Variants in WDR27 observed in about 807,000 individuals in gnomAD.
WDR27 encodes WD repeat domain 27.
A neutral mutation model predicts 114.4 loss-of-function variants in WDR27; 100 were observed. The observed-to-expected ratio is 0.87, with a 90% CI of 0.74 to 1.03. The LOEUF (loss-of-function observed/expected upper bound fraction) is 1.03. Ranked by LOEUF, WDR27 falls within the 50% of genes least tolerant of loss-of-function variation. The pLI is 0.00. For synonymous variants in WDR27, 449 were observed against 423.1 expected (o/e 1.06, Z -0.75); for missense variants, 1,129 against 1,092.9 (o/e 1.03, Z -0.47).
chr6:169,491,597 C>T lies in WDR27; in HGVS notation c.2646-33963G>A, dbSNP rs116690472. 1.0e-2 allele frequency among the ~76,000 whole-genome samples: 1,515 copies of T among 152,174 alleles called. 21 individuals carry two copies. The highest frequency in any genetic ancestry group is 0.035 in the African/African-American group (1,441 of 41,526). ...AACAGAAAAGGAGCAGAAACACAAA[C>T]TTAAGTCTTGGACATCCTGGCTTTG... On this transcript the variant is annotated intron_variant, in intron 25 of 25. Transcript: ENST00000448612.
intron 25 of WDR27, among the ~76,000 whole-genome samples, chr6:169,542,788 TAC>T (rs10600300): frequency 0.6 from 90,486 of 151,686 alleles, 29,490 homozygotes; most frequent in East Asian, 0.72. Flanking sequence ...TTATAATATA[TAC>T]ACAATCTAAT....
chr6:169,444,669 G>GGT, the WDR27 span, among the ~76,000 whole-genome samples: 3 of 138,836 alleles, frequency 2.2e-5, 1 homozygote, highest in African/African-American at 8.1e-5. Context: ...CTGTTTTTTT[G>GGT]TTTTTTTTTT....
At chr6:169,698,841 G>T (rs540208489) in intron 1 of WDR27, among the ~76,000 whole-genome samples, 1 of 152,348 alleles carries the variant, frequency 6.6e-6, no homozygotes, top group South Asian at 2.1e-4. Context: ...AGGGTGATCA[G>T]GACACCAGGC....
intron 25 of WDR27, among the ~76,000 whole-genome samples, chr6:169,528,358 G>C (rs374616223): frequency 6.6e-6 from 1 of 151,902 alleles, no homozygotes; most frequent in East Asian, 1.9e-4. Flanking sequence ...CATTTTTTGC[G>C]GTCTAACAAC....
At chr6:169,641,640 A>AGGAGC (rs1394379928) in intron 17 of WDR27, among the ~76,000 whole-genome samples, 4 of 152,226 alleles carry the variant, frequency 2.6e-5, no homozygotes, top group Non-Finnish European at 4.4e-5. Context: ...CGCTCCGAGA[A>AGGAGC]GGAGCAGAGC....
At chr6:169,682,707 T>C (rs1006234519) in intron 2 of WDR27, among the ~76,000 whole-genome samples, 1 of 152,158 alleles carries the variant, frequency 6.6e-6, no homozygotes, top group Non-Finnish European at 1.5e-5. Flanking sequence ...CAGGAAAATA[T>C]GACCCCATCA....
intron 25 of WDR27, among the ~76,000 whole-genome samples, chr6:169,490,283 G>A (rs1454285291): frequency 6.6e-6 from 1 of 152,224 alleles, no homozygotes; most frequent in East Asian, 1.9e-4. Flanking sequence ...TCAGCCAGCA[G>A]GACTTGGCTG....
the WDR27 span, among the ~76,000 whole-genome samples, chr6:169,441,888 CTT>C: frequency 1.5e-3 from 231 of 152,154 alleles, 1 homozygote; most frequent in Admixed American, 3.3e-3. Context: ...TTTTATTTGA[CTT>C]TGACAATACT....
chr6:169,543,324 A>G (rs991630089), intron 25 of WDR27, among the ~76,000 whole-genome samples: 1 of 152,100 alleles, frequency 6.6e-6, no homozygotes, highest in African/African-American at 2.4e-5. Flanking sequence ...AGTACAAGGA[A>G]CTATTTAAAG....
chr6:169,544,284 T>G (rs1296163953), intron 25 of WDR27, among the ~76,000 whole-genome samples: 1 of 152,118 alleles, frequency 6.6e-6, no homozygotes, highest in African/African-American at 2.4e-5. Context: ...GGAAATAAAC[T>G]GTCCCTATTT....
chr6:169,634,585 C>G, intron 19 of WDR27, 60 bp from the exon 20 acceptor site: 2 of 1,054,474 alleles, frequency 1.9e-6, no homozygotes, highest in Non-Finnish European at 2.8e-6. Flanking sequence ...AACTAAACAC[C>G]TTATCTTTAA....
intron 22 of WDR27, among the ~76,000 whole-genome samples, chr6:169,604,149 T>C (rs550096317): frequency 6.6e-6 from 1 of 151,780 alleles, no homozygotes; most frequent in East Asian, 1.9e-4. Flanking sequence ...CAAAACAATT[T>C]AAAAGATCAA....
At chr6:169,523,335 C>T (rs541754025) in intron 25 of WDR27, among the ~76,000 whole-genome samples, 1 of 152,218 alleles carries the variant, frequency 6.6e-6, no homozygotes, top group African/African-American at 2.4e-5. Context: ...AATCTGTTGA[C>T]TTCACTGCTG....
chr6:169,514,518 C>CCA (rs1554277750), intron 25 of WDR27, among the ~76,000 whole-genome samples: 1 of 120,074 alleles, frequency 8.3e-6, no homozygotes, highest in African/African-American at 3.2e-5. Context: ...TTTTCCCCAA[C>CCA]TATATATATA....
intron 25 of WDR27, among the ~76,000 whole-genome samples, chr6:169,524,425 A>C (rs1210161640): frequency 6.6e-6 from 1 of 152,146 alleles, no homozygotes; most frequent in Non-Finnish European, 1.5e-5. Context: ...AAATAAGAAA[A>C]AATTTTCTAA....
chr6:169,665,360 A>G, intron 7 of WDR27, 126 bp downstream of exon 7: 2 of 1,445,266 alleles, frequency 1.4e-6, no homozygotes, highest in East Asian at 2.5e-5. Flanking sequence ...CGTTCTCAGC[A>G]CTGAGGTGGA....
chr6:169,688,738 T>C (rs1783702433), intron 2 of WDR27, 79 bp downstream of exon 2: 4 of 1,096,902 alleles, frequency 3.6e-6, no homozygotes, highest in Admixed American at 2.9e-5. Flanking sequence ...CAGAGGGTAA[T>C]GCTGTCCGAA....
chr6:169,523,429 A>C (rs902056169), intron 25 of WDR27, among the ~76,000 whole-genome samples: 7 of 152,126 alleles, frequency 4.6e-5, no homozygotes, highest in Non-Finnish European at 1.0e-4. Context: ...AATACTTCTA[A>C]ACTCATCCTA....
At chr6:169,436,650 A>T in the WDR27 span, among the ~76,000 whole-genome samples, 1 of 152,118 alleles carries the variant, frequency 6.6e-6, no homozygotes, top group Non-Finnish European at 1.5e-5. Flanking sequence ...AATGAGATTT[A>T]TAAACTTTTC....
Sources: gnomAD v4.1 joint callset for allele counts (sites outside exome capture counted in the v4.1 genomes callset) on GRCh38, gnomAD v4.1.1 for gene constraint, MANE v1.5 for transcripts, NCBI Gene and HGNC (gene_info 2026-07-23, HGNC 2026-07-21) for gene names.